Variants in BST1 observed in about 807,000 individuals in gnomAD.
The protein encoded by BST1 is ADP-ribosyl cyclase/cyclic ADP-ribose hydrolase 2.
A neutral mutation model predicts 40.6 loss-of-function variants in BST1; 49 were observed. The ratio of observed to expected loss-of-function variants is 1.21; its 90% CI spans 0.96 to 1.53. The LOEUF is 1.53. BST1 is among the 40% of genes most tolerant of loss of function. The probability of loss-of-function intolerance (pLI) is 0.00; values close to 1 mark genes in which losing one functional copy is unlikely to be tolerated. For missense variants in BST1, 423 were observed against 395.9 expected (o/e 1.07, Z -0.58); for synonymous variants, 157 against 159.3 (o/e 0.99, Z 0.11).
the BST1 span, among the ~76,000 whole-genome samples, chr4:15,745,106 A>G: frequency 6.6e-6 from 1 of 152,220 alleles, no homozygotes; most frequent in African/African-American, 2.4e-5. Context: ...ATTCAATTAT[A>G]TTGATCAATA....
chr4:15,722,996 T>C, intron 8 of BST1, 62 bp downstream of exon 8: 7 of 1,472,840 alleles, frequency 4.8e-6, no homozygotes, highest in Non-Finnish European at 6.6e-6. Flanking sequence ...TTCAGAAGTT[T>C]TCAGTTCACA....
the BST1 span, among the ~76,000 whole-genome samples, chr4:15,771,510 A>G: frequency 3.9e-5 from 6 of 152,292 alleles, 1 homozygote; most frequent in East Asian, 1.2e-3. Context: ...TTTAGGTTTT[A>G]TTTTCTCAAG....
At chr4:15,763,631 G>A in the BST1 span, among the ~76,000 whole-genome samples, 2 of 151,892 alleles carry the variant, frequency 1.3e-5, no homozygotes, top group Admixed American at 1.3e-4. Context: ...ATTTATTAGA[G>A]TAAGAAAAAT....
chr4:15,716,267 GAAAGCACGAGTTTAC>G (rs1271190931), intron 6 of BST1, among the ~76,000 whole-genome samples: 4 of 152,178 alleles, frequency 2.6e-5, no homozygotes, highest in Non-Finnish European at 5.9e-5. Flanking sequence ...CATTTTCTGG[GAAAGCACGAGTTTAC>G]ATGTAAATGC....
In BST1 at chr4:15,705,497, A is replaced by C. The variant is rs200828304; in HGVS notation, c.189-18A>C. Reference sequence around the variant, plus strand: ...GATGTGCATGTGTGTGTTCTTCCCAACTTGTACTTTTGCACAGGAACAAGA... The same window carrying C: ...GATGTGCATGTGTGTGTTCTTCCCACCTTGTACTTTTGCACAGGAACAAGA... On this transcript the variant is annotated intron_variant, in intron 1 of 8. Transcript: ENST00000265016. 13 of 1,556,550 alleles carry C rather than the reference A, an allele frequency of 8.4e-6. 1 individual carries two copies. The South Asian group carries it at 1.6e-4, about 19-fold the overall frequency.
At chr4:15,749,525 G>A in the BST1 span, among the ~76,000 whole-genome samples, 528 of 152,150 alleles carry the variant, frequency 3.5e-3, 8 homozygotes, top group African/African-American at 0.012. Context: ...TTCTATCACC[G>A]TCCTGGTCAT....
chr4:15,762,353 A>G, the BST1 span, among the ~76,000 whole-genome samples: 1 of 151,258 alleles, frequency 6.6e-6, no homozygotes, highest in Non-Finnish European at 1.5e-5. Context: ...TAAAAACATA[A>G]TTTTCTCTAG....
intron 8 of BST1, among the ~76,000 whole-genome samples, chr4:15,727,120 T>C (rs1721158071): frequency 6.6e-6 from 1 of 152,172 alleles, no homozygotes; most frequent in Non-Finnish European, 1.5e-5. Context: ...TCATCAATGA[T>C]GCTGAGGTTC....
the BST1 span, among the ~76,000 whole-genome samples, chr4:15,767,691 T>C: frequency 7.4e-6 from 1 of 134,668 alleles, no homozygotes; most frequent in Non-Finnish European, 1.6e-5. Flanking sequence ...CAGAACACTT[T>C]ATTGTTTTTT....
chr4:15,711,070 G>A (rs1398000478), intron 3 of BST1, among the ~76,000 whole-genome samples: 2 of 152,146 alleles, frequency 1.3e-5, no homozygotes, highest in Non-Finnish European at 2.9e-5. Flanking sequence ...GATTACAGGC[G>A]TGAGCCACTG....
chr4:15,705,372 A>G (rs1719821185), intron 1 of BST1, 143 bp from the exon 2 acceptor site: 1 of 953,292 alleles, frequency 1.0e-6, no homozygotes, highest in Non-Finnish European at 1.6e-6. Context: ...CTAAGCCATG[A>G]CAATTCGTTG....
chr4:15,738,576 AAAAAAT>A (rs201977444), downstream of BST1, among the ~76,000 whole-genome samples: 3 of 152,200 alleles, frequency 2.0e-5, no homozygotes, highest in African/African-American at 7.2e-5. Flanking sequence ...GAGTTTGATA[AAAAAAT>A]AAAAATAAAA....
At chr4:15,726,310 C>G (rs1225255911) in intron 8 of BST1, among the ~76,000 whole-genome samples, 1 of 151,800 alleles carries the variant, frequency 6.6e-6, no homozygotes, top group Non-Finnish European at 1.5e-5. Flanking sequence ...ACTTGCAACT[C>G]GGTAGACACT....
At chr4:15,719,643 A>G (rs1467362592) in intron 7 of BST1, among the ~76,000 whole-genome samples, 1 of 152,138 alleles carries the variant, frequency 6.6e-6, no homozygotes, top group Non-Finnish European at 1.5e-5. Flanking sequence ...CTGGAATCCA[A>G]CATTGCAAAA....
chr4:15,772,987 A>G, the BST1 span, among the ~76,000 whole-genome samples: 1 of 152,174 alleles, frequency 6.6e-6, no homozygotes, highest in East Asian at 1.9e-4. Flanking sequence ...AGTCAGAATT[A>G]TGTTGTAAAA....
chr4:15,709,656 C>G (rs141903027), intron 3 of BST1, among the ~76,000 whole-genome samples: 372 of 152,314 alleles, frequency 2.4e-3, no homozygotes, highest in African/African-American at 8.5e-3. Flanking sequence ...GCCCTCCTAT[C>G]AGGGCTCTTT....
the BST1 span, among the ~76,000 whole-genome samples, chr4:15,752,901 T>C: frequency 2.6e-5 from 4 of 152,292 alleles, no homozygotes; most frequent in South Asian, 2.1e-4. Flanking sequence ...TTGATGCTGG[T>C]TGATAATGTA....
chr4:15,735,789 G>A (rs917876790), downstream of BST1, among the ~76,000 whole-genome samples: 3 of 152,160 alleles, frequency 2.0e-5, no homozygotes, highest in Admixed American at 6.5e-5. Context: ...GTTACCAGGC[G>A]ACTTAGCCAC....
chr4:15,718,867 T>C, intron 6 of BST1, 40 bp from the exon 7 acceptor site: 1 of 1,562,232 alleles, frequency 6.4e-7, no homozygotes, highest in Non-Finnish European at 8.8e-7. Context: ...CTTCCTCCTC[T>C]TATTTGCTTA....
Sources: gnomAD v4.1 joint callset for allele counts (sites outside exome capture counted in the v4.1 genomes callset) on GRCh38, gnomAD v4.1.1 for gene constraint, MANE v1.5 for transcripts, NCBI Gene and HGNC (gene_info 2026-07-23, HGNC 2026-07-21) for gene names.